Variants in LRCH3 observed in about 807,000 individuals in gnomAD.
LRCH3 encodes the protein DISP complex protein LRCH3.
In LRCH3, 68 loss-of-function variants were observed where a neutral mutation model predicts 104.5. That is an observed-to-expected ratio of 0.65 (90% CI 0.54 to 0.80). The LOEUF is 0.80. Ranked by LOEUF, LRCH3 falls within the 30% of genes least tolerant of loss-of-function variation. LRCH3 has a pLI of 0.00. For missense variants in LRCH3, 951 were observed against 953.9 expected (o/e 1.00, Z 0.04); for synonymous variants, 344 against 361.3 (o/e 0.95, Z 0.54).
At chr3:197,833,790 G>A (rs1279833349) in intron 8 of LRCH3, among the ~76,000 whole-genome samples, 3 of 152,078 alleles carry the variant, frequency 2.0e-5, no homozygotes, top group Non-Finnish European at 2.9e-5. Context: ...CATGGCTTGT[G>A]TTATTTTTCT....
chr3:197,841,928 G>A (rs1330336443), intron 10 of LRCH3, among the ~76,000 whole-genome samples: 1 of 152,068 alleles, frequency 6.6e-6, no homozygotes, highest in Non-Finnish European at 1.5e-5. Flanking sequence ...TACCTCCCAG[G>A]CTCAAGCAAT....
chr3:197,855,179 G>C (rs1002128369), intron 14 of LRCH3, among the ~76,000 whole-genome samples: 2 of 152,174 alleles, frequency 1.3e-5, no homozygotes, highest in East Asian at 3.9e-4. Context: ...ATCCTGCTGC[G>C]TGAGCTGCAT....
intron 1 of LRCH3, among the ~76,000 whole-genome samples, chr3:197,799,444 C>T (rs1731626120): frequency 6.6e-6 from 1 of 152,198 alleles, no homozygotes. Context: ...TCCTTATTCA[C>T]TTTTAACTTT....
At chr3:197,845,735 T>C (rs868295837) in intron 10 of LRCH3, among the ~76,000 whole-genome samples, 20 of 152,098 alleles carry the variant, frequency 1.3e-4, no homozygotes, top group South Asian at 8.3e-4. Context: ...TGAAACCCCG[T>C]CTCTACTAAA....
chr3:197,836,697 T>G (rs1342475701), intron 9 of LRCH3, among the ~76,000 whole-genome samples: 1 of 152,240 alleles, frequency 6.6e-6, no homozygotes, highest in Non-Finnish European at 1.5e-5. Flanking sequence ...CTTTATTTAA[T>G]GAAGCAGAGT....
intron 4 of LRCH3, among the ~76,000 whole-genome samples, chr3:197,821,908 A>G (rs777634603): frequency 3.3e-5 from 5 of 152,228 alleles, no homozygotes; most frequent in African/African-American, 4.8e-5. Context: ...TCCTGGGGTC[A>G]AGAGATCCAC....
At chr3:197,829,225 T>C (rs2109269110) in intron 5 of LRCH3, among the ~76,000 whole-genome samples, 1 of 152,332 alleles carries the variant, frequency 6.6e-6, no homozygotes, top group South Asian at 2.1e-4. Flanking sequence ...AAAAGTTGCT[T>C]CATGTAATCT....
Position 197,826,344 on chromosome 3 carries a change from CTTAATG to C in LRCH3, c.641-529_641-524del, listed in dbSNP as rs1251773337. Reference sequence around the variant, plus strand: ...GGGTGGGGTGAGAAGGTGCTGAGGTCTTAATGTTAAGTGTGTAGACTTTGACTTAAC... The same window carrying C: ...GGGTGGGGTGAGAAGGTGCTGAGGTCTTAAGTGTGTAGACTTTGACTTAAC... On this transcript the variant is annotated intron_variant, in intron 4 of 20. Transcript: ENST00000425562. Among the ~76,000 whole-genome samples, 3 of 152,132 alleles carry C rather than the reference CTTAATG, an allele frequency of 2.0e-5. No individual in the cohort carries two copies. In the South Asian group the frequency reaches 6.2e-4, roughly 31 times the overall value.
intron 1 of LRCH3, among the ~76,000 whole-genome samples, chr3:197,811,465 G>T (rs1050923109): frequency 1.3e-5 from 2 of 152,086 alleles, no homozygotes; most frequent in Non-Finnish European, 2.9e-5. Context: ...AGTAGTGTCT[G>T]TTCTCACAGA....
At chr3:197,799,291 C>T (rs1481870801) in intron 1 of LRCH3, among the ~76,000 whole-genome samples, 1 of 152,124 alleles carries the variant, frequency 6.6e-6, no homozygotes, top group African/African-American at 2.4e-5. Flanking sequence ...TGTAAAATAT[C>T]CCAGGTGCGC....
rs1259866460 is a variant in LRCH3 at position 197,791,409 on chromosome 3, C to T, written c.131C>T (p.Ser44Leu). 3.2e-5 allele frequency: 51 copies of T among 1,591,596 alleles called. No homozygotes were observed. Among genetic ancestry groups the T allele is most frequent in the Non-Finnish European group, 4.1e-5 (48 of 1,170,868 alleles). ...SGAGPGFGPG[S>L]WSRSLDRALE... ...GCAGGCCCTGGTTTTGGCCCGGGCT[C>T]GTGGAGCCGCTCTCTCGATCGAGCC... The change falls in exon 1 of 21, where the codon TCG becomes TTG. Residue 44 changes from serine to leucine, a missense_variant. Physicochemically the swap from Ser to Leu is moderately radical, Grantham distance 145. Transcript: ENST00000425562.
intron 20 of LRCH3, chr3:197,881,578 T>C: frequency 5.1e-6 from 5 of 985,454 alleles, no homozygotes; most frequent in Non-Finnish European, 6.0e-6. Context: ...GGAGAAGTAT[T>C]AGGGCAGCAG....
chr3:197,855,707 A>G (rs868019356), intron 14 of LRCH3, among the ~76,000 whole-genome samples: 1 of 152,218 alleles, frequency 6.6e-6, no homozygotes, highest in African/African-American at 2.4e-5. Context: ...AGTGGAATTT[A>G]GAAAAACAAC....
intron 14 of LRCH3, 162 bp from the exon 15 acceptor site, chr3:197,858,671 TC>T (rs1229976514): frequency 1.5e-6 from 1 of 645,782 alleles, no homozygotes; most frequent in Admixed American, 2.5e-5. Flanking sequence ...TGGGTTTTTG[TC>T]CCCCAAATAT....
At chr3:197,819,570 G>C (rs958734235) in intron 3 of LRCH3, among the ~76,000 whole-genome samples, 1 of 151,938 alleles carries the variant, frequency 6.6e-6, no homozygotes, top group African/African-American at 2.4e-5. Flanking sequence ...ACAAAAATTA[G>C]CTGGGTGTGG....
At chr3:197,826,759 C>T in intron 4 of LRCH3, 119 bp from the exon 5 acceptor site, 5 of 1,250,178 alleles carry the variant, frequency 4.0e-6, no homozygotes, top group Non-Finnish European at 4.6e-6. Flanking sequence ...ACCAGTTAAT[C>T]ACTAAAAGAG....
In LRCH3 at chr3:197,854,477, T is replaced by C. The variant is rs1740014311; in HGVS notation, c.1644+32T>C. 6.2e-7 allele frequency: 1 copy of C among 1,600,456 alleles called. No individual in the cohort carries two copies. Among genetic ancestry groups the C allele is most frequent in the Non-Finnish European group, 8.6e-7 (1 of 1,167,498 alleles). ...GTTTTGCACAAAACGGAGTTTCGCATTTCTGTGTTTAGAGATTGTACTTTT... is the reference window on the plus strand; with the variant it reads ...GTTTTGCACAAAACGGAGTTTCGCACTTCTGTGTTTAGAGATTGTACTTTT... On this transcript the variant is annotated intron_variant, in intron 14 of 20. Coordinates refer to ENST00000425562, the MANE Select transcript of LRCH3 (RefSeq NM_001365715.1). This position sits in a 1 kb window ranked among gnomAD's most constrained non-coding sequence, Gnocchi z 4.5.
chr3:197,837,536 T>C (rs923446838), intron 9 of LRCH3, among the ~76,000 whole-genome samples: 1 of 152,194 alleles, frequency 6.6e-6, no homozygotes, highest in Non-Finnish European at 1.5e-5. Context: ...TTTATTTTCC[T>C]GAACACTATC....
chr3:197,882,895 C>T (rs1713910303), intron 20 of LRCH3: 2 of 984,782 alleles, frequency 2.0e-6, no homozygotes, highest in Admixed American at 6.2e-5. Flanking sequence ...TTTTCAAATA[C>T]TGCTTTTAAT....
Sources: allele counts gnomAD v4.1 joint callset (sites outside exome capture counted in the v4.1 genomes callset), GRCh38; gene constraint gnomAD v4.1.1; non-coding constraint Gnocchi (gnomAD v3.1); transcripts MANE v1.5; gene names NCBI Gene and HGNC (gene_info 2026-07-23, HGNC 2026-07-21).